The following DCLK1 variants were observed in gnomAD, a reference collection of about 807,000 sequenced individuals.
DCLK1 encodes the protein serine/threonine-protein kinase DCLK1.
A neutral mutation model predicts 86.2 loss-of-function variants in DCLK1; 16 were observed. The observed-to-expected ratio is 0.19, with a 90% CI of 0.13 to 0.28. The LOEUF is 0.28. Among genes scored for constraint, DCLK1 ranks in the 10% least tolerant of loss-of-function variants. The pLI is 1.00. For synonymous variants in DCLK1, 369 were observed against 370.5 expected, an observed-to-expected ratio of 1.00 and a Z score of 0.05; for missense variants, 590 against 940.2, an observed-to-expected ratio of 0.63 and a Z score of 4.87.
chr13:36,086,502 C>T (rs1404958262), intron 3 of DCLK1, among the ~76,000 whole-genome samples: 3 of 148,068 alleles, frequency 2.0e-5, no homozygotes, highest in Non-Finnish European at 4.4e-5. Context: ...ATGCGCAGAA[C>T]GTGCCAGTTT....
At chr13:36,031,121 G>A (rs1316945417) in intron 3 of DCLK1, among the ~76,000 whole-genome samples, 4 of 152,204 alleles carry the variant, frequency 2.6e-5, no homozygotes, top group African/African-American at 9.7e-5. Flanking sequence ...GCCCTTCACA[G>A]CCTGGGCCCA....
chr13:36,111,816 G>A (rs777241897), intron 3 of DCLK1, 53 bp downstream of exon 3: 36 of 1,527,816 alleles, frequency 2.4e-5, no homozygotes, highest in African/African-American at 2.2e-4. Context: ...TACACCCTCC[G>A]ACTCCCTGGT....
At chr13:35,993,116 C>T (rs961340) in intron 3 of DCLK1, among the ~76,000 whole-genome samples, 12,981 of 152,208 alleles carry the variant, frequency 0.085, 1,040 homozygotes, top group African/African-American at 0.21. Context: ...CAGCCTCCTA[C>T]GCACTGTCAT....
intron 3 of DCLK1, among the ~76,000 whole-genome samples, chr13:36,041,625 G>A (rs1882704970): frequency 1.3e-5 from 2 of 152,226 alleles, no homozygotes; most frequent in Admixed American, 1.3e-4. Flanking sequence ...CTGCTTCATT[G>A]TATTCTAAAT....
At chr13:35,830,749 G>A (rs964354811) in intron 8 of DCLK1, among the ~76,000 whole-genome samples, 3 of 152,236 alleles carry the variant, frequency 2.0e-5, no homozygotes, top group Admixed American at 6.5e-5. Context: ...CAAGGCCAGA[G>A]AGCAAGAAGG....
chr13:36,098,999 C>A (rs1182743961), intron 3 of DCLK1, among the ~76,000 whole-genome samples: 1 of 150,178 alleles, frequency 6.7e-6, no homozygotes, highest in Non-Finnish European at 1.5e-5. Flanking sequence ...GAGAGTTTCG[C>A]TCTTGTTGCC....
intron 3 of DCLK1, among the ~76,000 whole-genome samples, chr13:36,026,356 A>G (rs1367015016): frequency 6.6e-6 from 1 of 152,226 alleles, no homozygotes; most frequent in Non-Finnish European, 1.5e-5. Context: ...AGATAATGCA[A>G]AAACAAACTA....
chr13:35,997,590 G>C (rs1880527831), intron 3 of DCLK1, among the ~76,000 whole-genome samples: 1 of 152,144 alleles, frequency 6.6e-6, no homozygotes, highest in South Asian at 2.1e-4. Context: ...GATTAGTTCA[G>C]TCCTAACCTA....
At chr13:36,099,608 A>C (rs1885126743) in intron 3 of DCLK1, among the ~76,000 whole-genome samples, 1 of 152,234 alleles carries the variant, frequency 6.6e-6, no homozygotes, top group African/African-American at 2.4e-5. Context: ...ATCCATGCTG[A>C]ATCGATGTTT....
At chr13:35,989,550 G>T (rs1440053853) in intron 3 of DCLK1, among the ~76,000 whole-genome samples, 1 of 152,088 alleles carries the variant, frequency 6.6e-6, no homozygotes, top group Non-Finnish European at 1.5e-5. Context: ...GGGATTACAG[G>T]TGTATAATCC....
At chr13:36,067,692 C>T (rs977440098) in intron 3 of DCLK1, among the ~76,000 whole-genome samples, 1 of 152,044 alleles carries the variant, frequency 6.6e-6, no homozygotes, top group African/African-American at 2.4e-5. Flanking sequence ...CTTGGTGCCA[C>T]ACCTCAGCTC....
At chr13:36,089,227 G>A (rs1239318917) in intron 3 of DCLK1, among the ~76,000 whole-genome samples, 1 of 152,052 alleles carries the variant, frequency 6.6e-6, no homozygotes, top group East Asian at 1.9e-4. Flanking sequence ...TCTGTACAAT[G>A]TCACATATCT....
chr13:35,877,121 G>A (rs932588599), intron 4 of DCLK1, among the ~76,000 whole-genome samples: 2 of 152,132 alleles, frequency 1.3e-5, no homozygotes, highest in Non-Finnish European at 2.9e-5. Flanking sequence ...TTCCCCACAC[G>A]ATCTATACAA....
chr13:35,980,466 G>A (rs566567557), intron 3 of DCLK1, among the ~76,000 whole-genome samples: 5 of 152,016 alleles, frequency 3.3e-5, no homozygotes, highest in South Asian at 2.1e-4. Flanking sequence ...AACAAAACAC[G>A]GACTCCGTGT....
At chr13:35,847,760 G>C (rs1870316600) in intron 6 of DCLK1, 1 of 985,118 alleles carries the variant, frequency 1.0e-6, no homozygotes. Context: ...TGGTTCAAAT[G>C]GTTTTAGAAA....
At chr13:35,859,376 C>G (rs915851861) in intron 5 of DCLK1, among the ~76,000 whole-genome samples, 7 of 150,960 alleles carry the variant, frequency 4.6e-5, no homozygotes, top group African/African-American at 1.7e-4. Context: ...CTTTGCTGTG[C>G]TTGTTACCCT....
At chr13:35,992,379 A>C (rs944000096) in intron 3 of DCLK1, among the ~76,000 whole-genome samples, 1 of 152,050 alleles carries the variant, frequency 6.6e-6, no homozygotes, top group Admixed American at 6.6e-5. Flanking sequence ...ACAATGCAAC[A>C]TGTTGACAGT....
intron 3 of DCLK1, among the ~76,000 whole-genome samples, chr13:36,075,769 C>T (rs1358222678): frequency 2.0e-5 from 3 of 152,194 alleles, no homozygotes; most frequent in Non-Finnish European, 4.4e-5. Context: ...GTAAACCCAG[C>T]ACTTTGGGAG....
chr13:35,794,922 T>C (rs1368276625), intron 15 of DCLK1, among the ~76,000 whole-genome samples: 1 of 152,154 alleles, frequency 6.6e-6, no homozygotes, highest in African/African-American at 2.4e-5. Flanking sequence ...TCAAGGGCTA[T>C]GTTAGGAATA....
Sources: allele counts gnomAD v4.1 joint callset (sites outside exome capture counted in the v4.1 genomes callset), GRCh38; gene constraint gnomAD v4.1.1; transcripts MANE v1.5; gene names NCBI Gene and HGNC (gene_info 2026-07-23, HGNC 2026-07-21).